RASGEF1C: variants seen among roughly 807,000 people sequenced by gnomAD.
RASGEF1C encodes ras-GEF domain-containing family member 1C.
A neutral mutation model predicts 58.1 loss-of-function variants in RASGEF1C; 27 were observed. That is an observed-to-expected ratio of 0.46 (90% CI 0.34 to 0.64). RASGEF1C has a LOEUF of 0.64. Among genes scored for constraint, RASGEF1C ranks in the 30% least tolerant of loss-of-function variants. The pLI is 0.01. For missense variants in RASGEF1C, 502 were observed against 605.1 expected, an observed-to-expected ratio of 0.83 and a Z score of 1.79; for synonymous variants, 243 against 246.3, an observed-to-expected ratio of 0.99 and a Z score of 0.13.
intron 11 of RASGEF1C, among the ~76,000 whole-genome samples, chr5:180,113,929 T>A (rs899381603): frequency 2.0e-5 from 3 of 152,134 alleles, no homozygotes; most frequent in African/African-American, 7.2e-5. Context: ...GCCTGACAGG[T>A]GGGCTCTCTC....
chr5:180,104,700 T>C (rs1246011274), intron 12 of RASGEF1C, among the ~76,000 whole-genome samples: 1 of 152,226 alleles, frequency 6.6e-6, no homozygotes, highest in African/African-American at 2.4e-5. Context: ...AGTGTAACCA[T>C]TTGAGCCTGT....
At chr5:180,203,778 T>C (rs1756440388) in intron 1 of RASGEF1C, among the ~76,000 whole-genome samples, 2 of 152,190 alleles carry the variant, frequency 1.3e-5, no homozygotes, top group African/African-American at 2.4e-5. Flanking sequence ...GAGGATCACT[T>C]GAGGCCAGGA....
intron 1 of RASGEF1C, among the ~76,000 whole-genome samples, chr5:180,200,434 C>T (rs112743310): frequency 0.016 from 2,367 of 150,190 alleles, 43 homozygotes; most frequent in Middle Eastern, 0.035. Context: ...CTCAGCCTCC[C>T]GAGTAGCCGG....
chr5:180,139,841 A>G (rs994391737), intron 1 of RASGEF1C, among the ~76,000 whole-genome samples: 3 of 152,170 alleles, frequency 2.0e-5, no homozygotes, highest in Non-Finnish European at 2.9e-5. Flanking sequence ...TGATTCCACA[A>G]GATAGAAAAC....
rs1166674461 is a variant in RASGEF1C at position 180,137,038 on chromosome 5, C to G, written c.301-523G>C. ...GCCACACCAGCCAGCCCGAGGGAGG[C>G]CAGCCCCGGGAAGCGGCAGCAGAGG... On this transcript the variant is annotated intron_variant, in intron 3 of 13. Transcript: ENST00000361132. This position sits in a 1 kb window ranked among gnomAD's most constrained non-coding sequence, Gnocchi z 4.1. Among the ~76,000 whole-genome samples the G allele has an allele frequency of 6.6e-6, 1 of 152,178 alleles. No homozygotes were observed. Among genetic ancestry groups the G allele is most frequent in the Non-Finnish European group, 1.5e-5 (1 of 68,022 alleles).
chr5:180,190,727 C>T (rs183986545), intron 1 of RASGEF1C, among the ~76,000 whole-genome samples: 18 of 151,888 alleles, frequency 1.2e-4, no homozygotes, highest in South Asian at 4.1e-4. Flanking sequence ...AAACCTACAA[C>T]TATAAAGTTT....
At position 180,152,852 on chromosome 5, in the gene RASGEF1C, A is replaced by G. The variant is rs573198462; in HGVS notation, c.-6-14794T>C. The stretch of plus-strand genomic sequence containing the variant: ...CTTGAACCCGAGAGGCGGAAGTTGC[A>G]GTGGGCCGAGATTGCGCCACTGCAC... On this transcript the variant is annotated intron_variant, in intron 1 of 13. Coordinates refer to ENST00000361132, the MANE Select transcript of RASGEF1C (RefSeq NM_175062.4). 4.3e-4 allele frequency among the ~76,000 whole-genome samples: 63 copies of G among 147,038 alleles called. 2 individuals carry two copies. The highest frequency in any genetic ancestry group is 1.6e-3 in the African/African-American group (63 of 39,072).
chr5:180,103,779 T>A (rs1765835226), intron 12 of RASGEF1C, among the ~76,000 whole-genome samples: 1 of 152,232 alleles, frequency 6.6e-6, no homozygotes, highest in South Asian at 2.1e-4. Flanking sequence ...AAGCATTAAA[T>A]CTTCTGCTGT....
At chr5:180,129,640 T>G (rs898101456) in intron 4 of RASGEF1C, among the ~76,000 whole-genome samples, 3 of 152,152 alleles carry the variant, frequency 2.0e-5, no homozygotes, top group Non-Finnish European at 4.4e-5. Context: ...ATCTCTGAAG[T>G]GACCTGATGA....
chr5:180,111,589 G>A lies in RASGEF1C; in HGVS notation c.1180-9C>T, dbSNP rs1369899128. ...GCCAGCTCCAGGAATTTCTGCCAGG[G>A]TCACAGAGACACAGAATGGAGGCAC... is the stretch of plus-strand genomic sequence containing the variant. On this transcript the variant is annotated splice_polypyrimidine_tract_variant and intron_variant, in intron 11 of 13. Transcript: ENST00000361132. 3 of 1,614,124 alleles carry A rather than the reference G, an allele frequency of 1.9e-6. No homozygotes were observed. The highest frequency in any genetic ancestry group is 2.7e-5 in the African/African-American group (2 of 75,058).
intron 4 of RASGEF1C, among the ~76,000 whole-genome samples, chr5:180,135,047 C>A (rs1416865104): frequency 1.4e-5 from 2 of 140,310 alleles, no homozygotes; most frequent in African/African-American, 5.2e-5. Flanking sequence ...CTGTCCCCAC[C>A]CCCCCCGTCC....
intron 1 of RASGEF1C, among the ~76,000 whole-genome samples, chr5:180,141,912 G>A (rs1043031409): frequency 2.6e-5 from 4 of 152,052 alleles, no homozygotes; most frequent in African/African-American, 9.7e-5. Context: ...GTTTCACCAT[G>A]TTAGCCAGGA....
chr5:180,128,380 G>A (rs753582480), intron 5 of RASGEF1C, 30 bp downstream of exon 5: 14 of 1,589,354 alleles, frequency 8.8e-6, no homozygotes, highest in Middle Eastern at 2.1e-4. Context: ...GCTGAATCCC[G>A]GGTGAGGAAG....
At chr5:180,132,190 G>T (rs772797744) in intron 4 of RASGEF1C, among the ~76,000 whole-genome samples, 1 of 152,250 alleles carries the variant, frequency 6.6e-6, no homozygotes, top group Non-Finnish European at 1.5e-5. Context: ...CCTGCCTCGG[G>T]CTGAAGCCCT....
chr5:180,200,282 T>C (rs1383347599), intron 1 of RASGEF1C, among the ~76,000 whole-genome samples: 8 of 146,212 alleles, frequency 5.5e-5, no homozygotes, highest in African/African-American at 1.8e-4. Context: ...ATTTATTTAA[T>C]AGATGAAGAG....
chr5:180,199,328 G>A (rs1046782797), intron 1 of RASGEF1C, among the ~76,000 whole-genome samples: 2 of 152,168 alleles, frequency 1.3e-5, no homozygotes, highest in Non-Finnish European at 2.9e-5. Flanking sequence ...GTAGATTAAA[G>A]GGATCAAAAA....
chr5:180,130,615 G>T (rs13179326), intron 4 of RASGEF1C, among the ~76,000 whole-genome samples: 36,695 of 152,170 alleles, frequency 0.24, 4,535 homozygotes, highest in South Asian at 0.32. Context: ...CAAAGCCAGT[G>T]GCCGTTTCTC....
chr5:180,108,118 C>G (rs1036970010), intron 12 of RASGEF1C, among the ~76,000 whole-genome samples: 14 of 152,144 alleles, frequency 9.2e-5, no homozygotes, highest in African/African-American at 3.4e-4. Flanking sequence ...TCCTCTCCTC[C>G]ACAGACTGTG....
At chr5:180,103,686 G>A (rs1271975456) in intron 12 of RASGEF1C, among the ~76,000 whole-genome samples, 6 of 152,028 alleles carry the variant, frequency 3.9e-5, no homozygotes, top group South Asian at 2.1e-4. Flanking sequence ...TTGCCTTATC[G>A]CACTAACTAG....
Sources: gnomAD v4.1 joint callset for allele counts (sites outside exome capture counted in the v4.1 genomes callset) on GRCh38, gnomAD v4.1.1 for gene constraint, Gnocchi (gnomAD v3.1) non-coding constraint, MANE v1.5 for transcripts, NCBI Gene and HGNC (gene_info 2026-07-23, HGNC 2026-07-21) for gene names.